ETNK2: variants seen among roughly 807,000 people sequenced by gnomAD.
ETNK2 encodes the protein ethanolamine kinase-like protein.
A neutral mutation model predicts 46.2 loss-of-function variants in ETNK2; 33 were observed. The ratio of observed to expected loss-of-function variants is 0.71; its 90% CI spans 0.54 to 0.96. ETNK2 has a LOEUF of 0.96. Ranked by LOEUF, ETNK2 falls within the 40% of genes least tolerant of loss-of-function variation. The pLI, the probability that ETNK2 is intolerant of heterozygous loss-of-function variation, is 0.00. For missense variants in ETNK2, 445 were observed against 509.7 expected (o/e 0.87, Z 1.22); for synonymous variants, 194 against 209.0 (o/e 0.93, Z 0.62).
Position 204,132,162 on chromosome 1 carries a change from A to G in ETNK2, c.*22T>C. 6.5e-7 allele frequency: 1 copy of G among 1,549,768 alleles called. No individual in the cohort carries two copies. Among genetic ancestry groups the G allele is most frequent in the East Asian group, 2.4e-5 (1 of 41,784 alleles). On this transcript the variant is annotated 3_prime_UTR_variant, in exon 8 of 8. Transcript: ENST00000367202. ...AACAGGTCTGGCCAGACAGATGGGT[A>G]GGGGAGGGATGGGGTGGCTGGTCAC...
rs35373627 is a variant in ETNK2 at position 204,136,403 on chromosome 1, G to GTATATATATATA, written c.1014+689_1014+700dup. 1.8e-3 allele frequency among the ~76,000 whole-genome samples: 254 copies of GTATATATATATA among 139,802 alleles called. 1 individual carries two copies. Among genetic ancestry groups the GTATATATATATA allele is most frequent in the African/African-American group, 6.4e-3 (234 of 36,760 alleles). The allele number at this position is 139,802 out of a possible 152,430, so 91.7% of individuals were successfully genotyped here. On this transcript the variant is annotated intron_variant, in intron 6 of 7. Transcript: ENST00000367202. ...AGAGCGGGACCCTGTCTCAAAAAAA[G>GTATATATATATA]TATATATATATATATATATATATAT...
chr1:204,143,493 A>G (rs879773276), intron 3 of ETNK2, among the ~76,000 whole-genome samples: 1 of 151,784 alleles, frequency 6.6e-6, no homozygotes, highest in African/African-American at 2.4e-5. Flanking sequence ...CAGCTTTGCT[A>G]CCTTCAGTCC....
chr1:204,151,884 C>T lies in ETNK2; in HGVS notation c.-32G>A. ...CAGCCCCACCCCCTCGGAGCCGCGG[C>T]AGACGCTAGCCCCGGCGGGGGGGTC... On this transcript the variant is annotated 5_prime_UTR_variant, in exon 1 of 8. Coordinates refer to ENST00000367202, the MANE Select transcript of ETNK2 (RefSeq NM_018208.4). The surrounding 1 kb of genome is among the most constrained non-coding windows in gnomAD (Gnocchi z 8.0). 2 of 1,414,338 alleles carry T rather than the reference C, an allele frequency of 1.4e-6. No individual in the cohort carries two copies. The allele number at this position is 1,414,338 out of a possible 1,614,324, so 87.6% of individuals were successfully genotyped here.
At chr1:204,145,140 G>T (rs1202183370) in intron 3 of ETNK2, among the ~76,000 whole-genome samples, 1 of 152,212 alleles carries the variant, frequency 6.6e-6, no homozygotes, top group Non-Finnish European at 1.5e-5. Flanking sequence ...TGGGCAGTCA[G>T]GCAGCTTAGG....
intron 3 of ETNK2, chr1:204,141,996 A>T (rs541132978): frequency 6.3e-6 from 1 of 158,548 alleles, no homozygotes; most frequent in Admixed American, 6.0e-5. Context: ...GGAGCAATGG[A>T]GCTCTCTTGA....
intron 5 of ETNK2, among the ~76,000 whole-genome samples, chr1:204,139,168 T>C (rs1196678972): frequency 6.6e-6 from 1 of 152,184 alleles, no homozygotes; most frequent in Non-Finnish European, 1.5e-5. Flanking sequence ...TCAAATTACA[T>C]AGCACATATT....
rs535805165 is a variant in ETNK2, at chr1:204,137,317, T to C, written c.869-68A>G. The C allele has an allele frequency of 1.6e-4, 256 of 1,551,608 alleles. 1 individual carries two copies. The South Asian group carries it at 3.1e-3, about 19-fold the overall frequency. On this transcript the variant is annotated intron_variant, in intron 5 of 7. Transcript: ENST00000367202. ...CCACCAAGGGTCTCCTCAAGCTCAG[T>C]AGGTGTTCCCATCTCCCCTCAAACT...
At chr1:204,134,718 C>G (rs748925574) in intron 6 of ETNK2, 130 bp from the exon 7 acceptor site, 1 of 1,581,390 alleles carries the variant, frequency 6.3e-7, no homozygotes, top group Non-Finnish European at 8.6e-7. Flanking sequence ...GGTGGGGTCT[C>G]CCTAGCACAA....
intron 3 of ETNK2, among the ~76,000 whole-genome samples, chr1:204,146,267 G>A (rs946964488): frequency 6.6e-6 from 1 of 152,138 alleles, no homozygotes; most frequent in Non-Finnish European, 1.5e-5. Context: ...GGTGGAAAGA[G>A]CCCTGGGCTG....
Position 204,151,531 on chromosome 1 carries a change from G to C in ETNK2, c.258+64C>G. The stretch of plus-strand genomic sequence containing the variant: ...ACACCCGGAAGGATGCGAGGACTGG[G>C]TCCCCGCATCCCCCTGGCAGCCCTG... On this transcript the variant is annotated intron_variant, in intron 1 of 7. Transcript: ENST00000367202. This position sits in a 1 kb window ranked among gnomAD's most constrained non-coding sequence, Gnocchi z 8.0. 1.3e-6 allele frequency: 2 copies of C among 1,540,908 alleles called. No homozygotes were observed. The highest frequency in any genetic ancestry group is 1.4e-5 in the African/African-American group (1 of 72,288).
At chr1:204,143,604 C>G (rs1657650779) in intron 3 of ETNK2, among the ~76,000 whole-genome samples, 1 of 152,230 alleles carries the variant, frequency 6.6e-6, no homozygotes, top group South Asian at 2.1e-4. Context: ...TTCTGCTCCT[C>G]TGCCCCAGGG....
chr1:204,138,587 C>G (rs1473111683), intron 5 of ETNK2: 1 of 152,234 alleles, frequency 6.6e-6, no homozygotes, highest in African/African-American at 2.4e-5. Context: ...GGTGTACTCT[C>G]AGGTACAATC....
intron 3 of ETNK2, among the ~76,000 whole-genome samples, chr1:204,143,727 A>T (rs1325874292): frequency 6.6e-6 from 1 of 152,180 alleles, no homozygotes; most frequent in Non-Finnish European, 1.5e-5. Context: ...AGATCTGGAC[A>T]GGCAAGAGTA....
At chr1:204,139,401 T>C (rs1035191686) in intron 5 of ETNK2, among the ~76,000 whole-genome samples, 3 of 152,180 alleles carry the variant, frequency 2.0e-5, no homozygotes, top group African/African-American at 7.2e-5. Context: ...GGGGTCTTTT[T>C]CTAATTCATG....
At chr1:204,146,864 G>A (rs779747252) in intron 2 of ETNK2, 100 bp from the exon 3 acceptor site, 16 of 1,492,300 alleles carry the variant, frequency 1.1e-5, no homozygotes, top group Non-Finnish European at 1.5e-5. Context: ...GCCCACCAGG[G>A]CACTTGCCAG....
intron 5 of ETNK2, 94 bp from the exon 6 acceptor site, chr1:204,137,343 C>T: frequency 6.9e-7 from 1 of 1,448,704 alleles, no homozygotes; most frequent in South Asian, 1.4e-5. Flanking sequence ...CCCTCAAACT[C>T]CCATCTCCTT....
intron 7 of ETNK2, among the ~76,000 whole-genome samples, chr1:204,132,776 C>T (rs1177374326): frequency 1.3e-5 from 2 of 150,804 alleles, no homozygotes; most frequent in African/African-American, 5.0e-5. Flanking sequence ...CTTCTTAGAT[C>T]AGACTAGAGA....
Position 204,137,106 on chromosome 1 carries a change from G to T in ETNK2, c.1012C>A (p.Leu338Met). ...RLYVQVNKFA[L>M]ASHFFWALWA... ...AGCCCTAGAAATAAGGCACTCACCA[G>T]GGCAAACTTGTTGACTTGCACGTAG... is the stretch of plus-strand genomic sequence containing the variant. The change falls in exon 6 of 8, where the codon CTG (leucine) becomes ATG (methionine). Residue 338 changes from leucine (L) to methionine (M), a missense_variant and splice_region_variant. By Grantham distance (15) the Leu-to-Met change is conservative. Transcript: ENST00000367202. The T allele has an allele frequency of 1.2e-6, 2 of 1,613,702 alleles. No homozygotes were observed. The highest frequency in any genetic ancestry group is 1.7e-6 in the Non-Finnish European group (2 of 1,179,738).
At chr1:204,141,758 G>A in intron 3 of ETNK2, 1 of 359,078 alleles carries the variant, frequency 2.8e-6, no homozygotes, top group Non-Finnish European at 5.1e-6. Flanking sequence ...GGAACAGGAG[G>A]GTAAGGAAGG....
Sources: allele counts gnomAD v4.1 joint callset (sites outside exome capture counted in the v4.1 genomes callset), GRCh38; gene constraint gnomAD v4.1.1; non-coding constraint Gnocchi (gnomAD v3.1); transcripts MANE v1.5; gene names NCBI Gene and HGNC (gene_info 2026-07-23, HGNC 2026-07-21).